TCAIM: variants seen among roughly 807,000 people sequenced by gnomAD.
TCAIM encodes T-cell activation inhibitor, mitochondrial.
A neutral mutation model predicts 58.6 loss-of-function variants in TCAIM; 36 were observed. The ratio of observed to expected loss-of-function variants is 0.61; its 90% CI spans 0.47 to 0.81. TCAIM has a LOEUF of 0.81. TCAIM is among the 30% of genes least tolerant of loss of function. TCAIM has a pLI of 0.00. For missense variants in TCAIM, 466 were observed against 579.6 expected, an observed-to-expected ratio of 0.80 and a Z score of 2.01; for synonymous variants, 172 against 193.6, an observed-to-expected ratio of 0.89 and a Z score of 0.93.
rs148376091 is a variant in TCAIM at position 44,347,164 on chromosome 3, C to T, written c.-44-7575C>T. Among the ~76,000 whole-genome samples the T allele has an allele frequency of 8.0e-3, 1,216 of 151,956 alleles. 18 individuals carry two copies. Among genetic ancestry groups the T allele is most frequent in the African/African-American group, 0.028 (1,165 of 41,398 alleles). ...CGTGTGTTTTTATGAAGAATTATGC[C>T]GAGATAGGTAACAGATGAGGAAGAA... On this transcript the variant is annotated intron_variant, in intron 1 of 10. Transcript: ENST00000342649.
At chr3:44,371,164 G>A (rs750091183) in intron 5 of TCAIM, among the ~76,000 whole-genome samples, 3 of 151,510 alleles carry the variant, frequency 2.0e-5, no homozygotes, top group East Asian at 1.9e-4. Flanking sequence ...CGCCCACCTC[G>A]ACCTCCCAAA....
intron 10 of TCAIM, among the ~76,000 whole-genome samples, chr3:44,405,110 C>T (rs1559377652): frequency 6.6e-6 from 1 of 152,112 alleles, no homozygotes; most frequent in Non-Finnish European, 1.5e-5. Flanking sequence ...CTGTGGAACC[C>T]CCAGTCCTTT....
chr3:44,347,267 A>G (rs1700989623), intron 1 of TCAIM, among the ~76,000 whole-genome samples: 1 of 152,194 alleles, frequency 6.6e-6, no homozygotes. Flanking sequence ...CCTCTTGGGA[A>G]GATTTATAGG....
intron 8 of TCAIM, among the ~76,000 whole-genome samples, chr3:44,398,445 T>TTAGATAGA (rs58163075): frequency 0.042 from 6,057 of 145,274 alleles, 124 homozygotes; most frequent in Non-Finnish European, 0.047. Context: ...GATACAAAGA[T>TTAGATAGA]TAGATAGATA....
chr3:44,406,240 A>T (rs1032551196), intron 10 of TCAIM, among the ~76,000 whole-genome samples: 3 of 152,230 alleles, frequency 2.0e-5, no homozygotes, highest in African/African-American at 7.2e-5. Context: ...ATATTGTTGG[A>T]GAACTATGCA....
intron 10 of TCAIM, among the ~76,000 whole-genome samples, chr3:44,401,703 T>C (rs191920321): frequency 6.6e-6 from 1 of 152,338 alleles, no homozygotes; most frequent in East Asian, 1.9e-4. Context: ...TTTATCTGTA[T>C]CTTGATTAAG....
chr3:44,378,245 G>A (rs907034274), intron 5 of TCAIM, among the ~76,000 whole-genome samples: 1 of 151,992 alleles, frequency 6.6e-6, no homozygotes, highest in Non-Finnish European at 1.5e-5. Flanking sequence ...GTTGGGCATG[G>A]TGGCACATGC....
At chr3:44,366,412 C>G (rs1338175140) in intron 4 of TCAIM, among the ~76,000 whole-genome samples, 1 of 150,058 alleles carries the variant, frequency 6.7e-6, no homozygotes, top group African/African-American at 2.5e-5. Flanking sequence ...CTCAGCCTCC[C>G]GAGTACTTGG....
At chr3:44,396,636 C>A (rs958208582) in intron 7 of TCAIM, 107 bp from the exon 8 acceptor site, 4 of 1,414,556 alleles carry the variant, frequency 2.8e-6, no homozygotes, top group Non-Finnish European at 3.9e-6. Flanking sequence ...ATAAAATTAG[C>A]CTTTAAGCTT....
intron 2 of TCAIM, 38 bp downstream of exon 2, chr3:44,354,849 C>G: frequency 6.3e-7 from 1 of 1,596,012 alleles, no homozygotes; most frequent in Non-Finnish European, 8.5e-7. Flanking sequence ...AGTATTGTGG[C>G]GGGGGGAGGT....
chr3:44,384,613 A>T (rs1308097114), intron 5 of TCAIM, among the ~76,000 whole-genome samples: 2 of 152,206 alleles, frequency 1.3e-5, no homozygotes, highest in Admixed American at 1.3e-4. Context: ...TTTTCAAGTA[A>T]ATCTAGCTCT....
intron 10 of TCAIM, among the ~76,000 whole-genome samples, chr3:44,403,925 C>T (rs902657969): frequency 6.6e-6 from 1 of 152,132 alleles, no homozygotes; most frequent in African/African-American, 2.4e-5. Flanking sequence ...AGTGGACTCT[C>T]GTCAGAGCAG....
intron 9 of TCAIM, chr3:44,400,818 G>C: frequency 1.8e-6 from 1 of 547,204 alleles, no homozygotes; most frequent in Non-Finnish European, 3.2e-6. Flanking sequence ...CAGATTTACT[G>C]GGCAAAGTCA....
intron 3 of TCAIM, 118 bp from the exon 4 acceptor site, chr3:44,361,247 C>A: frequency 1.1e-6 from 1 of 907,848 alleles, no homozygotes; most frequent in African/African-American, 1.7e-5. Flanking sequence ...GAAATCCCAA[C>A]ATTTTTAAAT....
chr3:44,367,733 A>C (rs1312649826), intron 5 of TCAIM, 25 bp downstream of exon 5: 4 of 1,578,160 alleles, frequency 2.5e-6, no homozygotes, highest in Non-Finnish European at 3.5e-6. Flanking sequence ...TTATCTAACT[A>C]AACTGTATTT....
At position 44,398,110 on chromosome 3, in the gene TCAIM, A is replaced by G. The variant is rs369331345; in HGVS notation, c.885+1276A>G. Among the ~76,000 whole-genome samples, 17 of 152,240 alleles carry G rather than the reference A, an allele frequency of 1.1e-4. No individual in the cohort carries two copies. The East Asian group carries it at 3.1e-3, about 28-fold the overall frequency. ...TGACATGTTGCCAAAGAGAACGTACAGATGACATGTAAGCACATAAAAACA... is the reference window on the plus strand; with the variant it reads ...TGACATGTTGCCAAAGAGAACGTACGGATGACATGTAAGCACATAAAAACA... On this transcript the variant is annotated intron_variant, in intron 8 of 10. Coordinates refer to ENST00000342649, the MANE Select transcript of TCAIM (RefSeq NM_173826.4).
At chr3:44,351,636 AG>A (rs1559560808) in intron 1 of TCAIM, among the ~76,000 whole-genome samples, 1 of 151,838 alleles carries the variant, frequency 6.6e-6, no homozygotes, top group East Asian at 1.9e-4. Flanking sequence ...CTGGGATTAC[AG>A]GGTCCCACTA....
chr3:44,350,509 T>C (rs559671130), intron 1 of TCAIM, among the ~76,000 whole-genome samples: 62 of 152,086 alleles, frequency 4.1e-4, no homozygotes, highest in Middle Eastern at 3.4e-3. Flanking sequence ...TGCAGCTCAC[T>C]GTAGTCTGCA....
At chr3:44,355,721 G>T (rs928562920) in intron 2 of TCAIM, among the ~76,000 whole-genome samples, 2 of 152,198 alleles carry the variant, frequency 1.3e-5, no homozygotes, top group African/African-American at 4.8e-5. Context: ...CATTGAGAAA[G>T]GTGGTACCAC....
Sources: allele counts gnomAD v4.1 joint callset (sites outside exome capture counted in the v4.1 genomes callset), GRCh38; gene constraint gnomAD v4.1.1; transcripts MANE v1.5; gene names NCBI Gene and HGNC (gene_info 2026-07-23, HGNC 2026-07-21).